The following EHBP1 variants were observed in gnomAD, a reference collection of about 807,000 sequenced individuals.
EHBP1 encodes EH domain binding protein 1.
A neutral mutation model predicts 144.0 loss-of-function variants in EHBP1; 55 were observed. The ratio of observed to expected loss-of-function variants is 0.38; its 90% confidence interval spans 0.31 to 0.48. The LOEUF is 0.48. EHBP1 is among the 20% of genes least tolerant of loss of function. The pLI is 0.98. For synonymous variants in EHBP1, 469 were observed against 472.7 expected, an observed-to-expected ratio of 0.99 and a Z score of 0.10; for missense variants, 1,200 against 1,364.2, an observed-to-expected ratio of 0.88 and a Z score of 1.90.
At chr2:62,771,290 A>G in intron 4 of EHBP1, 49 bp from the exon 5 acceptor site, 1 of 1,424,024 alleles carries the variant, frequency 7.0e-7, no homozygotes, top group Non-Finnish European at 9.7e-7. Context: ...GGTTTATTGG[A>G]CTAAAGACAT....
At position 63,045,046 on chromosome 2, in the gene EHBP1, T is replaced by C. The variant is rs2061887223; in HGVS notation, c.3278-20T>C. On this transcript the variant is annotated intron_variant, in intron 21 of 22. Coordinates refer to ENST00000431489, the MANE Select transcript of EHBP1 (RefSeq NM_001142616.3). The surrounding 1 kb of genome is among the most constrained non-coding windows in gnomAD (Gnocchi z 5.7). ...TTCGGAGGCCCTGCCGGTGGGTAAC[T>C]AGCCTCCCGTCTTCTGCAGACTGGC... 2.0e-6 allele frequency: 3 copies of C among 1,531,184 alleles called. No homozygotes were observed. Among genetic ancestry groups the C allele is most frequent in the Non-Finnish European group, 2.7e-6 (3 of 1,129,622 alleles). The allele number at this position is 1,531,184 out of a possible 1,614,324, so 94.8% of individuals were successfully genotyped here.
At chr2:62,994,159 A>ATAAAAAAAAATGAATT (rs1553505774) in intron 18 of EHBP1, 182 bp downstream of exon 18, 1 of 383,518 alleles carries the variant, frequency 2.6e-6, no homozygotes, top group East Asian at 3.9e-5. Flanking sequence ...TAATTGTCAG[A>ATAAAAAAAAATGAATT]TAAAAAAAAA....
At chr2:62,687,947 A>T (rs1403306019) in intron 1 of EHBP1, among the ~76,000 whole-genome samples, 1 of 152,174 alleles carries the variant, frequency 6.6e-6, no homozygotes, top group Non-Finnish European at 1.5e-5. Context: ...CTGGATAAGT[A>T]CATTAACTAT....
At chr2:62,728,494 C>T (rs1371817389) in intron 2 of EHBP1, among the ~76,000 whole-genome samples, 3 of 152,144 alleles carry the variant, frequency 2.0e-5, no homozygotes. Context: ...AATTGCTGAA[C>T]CATGTTGAGC....
intron 10 of EHBP1, among the ~76,000 whole-genome samples, chr2:62,905,894 C>G (rs773489841): frequency 1.8e-4 from 28 of 151,800 alleles, no homozygotes; most frequent in Admixed American, 9.8e-4. Context: ...AGAATAGAAA[C>G]AAATAGTCTG....
intron 13 of EHBP1, among the ~76,000 whole-genome samples, chr2:62,954,414 ATTAAG>A (rs1181319542): frequency 6.6e-6 from 1 of 152,220 alleles, no homozygotes; most frequent in Non-Finnish European, 1.5e-5. Context: ...ATTTGTATCT[ATTAAG>A]TTAAGAATTT....
intron 5 of EHBP1, among the ~76,000 whole-genome samples, chr2:62,786,354 A>G (rs1425788088): frequency 6.6e-6 from 1 of 152,106 alleles, no homozygotes; most frequent in African/African-American, 2.4e-5. Context: ...TGACTATTCT[A>G]GCTCTCCCAG....
intron 3 of EHBP1, among the ~76,000 whole-genome samples, chr2:62,762,474 G>A (rs1009436760): frequency 6.6e-6 from 1 of 152,094 alleles, no homozygotes; most frequent in Non-Finnish European, 1.5e-5. Context: ...ATATCTAAGA[G>A]GCAACTCATA....
At chr2:62,960,308 G>T (rs959559242) in intron 14 of EHBP1, among the ~76,000 whole-genome samples, 4 of 151,838 alleles carry the variant, frequency 2.6e-5, no homozygotes, top group African/African-American at 9.7e-5. Flanking sequence ...GTTATAAGTT[G>T]CTTACTGTAT....
chr2:63,027,960 G>A (rs971212722), intron 19 of EHBP1, among the ~76,000 whole-genome samples: 6 of 152,058 alleles, frequency 3.9e-5, no homozygotes, highest in Non-Finnish European at 5.9e-5. Flanking sequence ...ACAGGATCTC[G>A]CTATGTTGTC....
chr2:62,775,297 A>G (rs1289659617), intron 5 of EHBP1, among the ~76,000 whole-genome samples: 1 of 152,180 alleles, frequency 6.6e-6, no homozygotes, highest in African/African-American at 2.4e-5. Context: ...GCTGATCATT[A>G]TGTAGCAATA....
intron 5 of EHBP1, among the ~76,000 whole-genome samples, chr2:62,784,202 G>A (rs2042645659): frequency 6.6e-6 from 1 of 152,090 alleles, no homozygotes; most frequent in Non-Finnish European, 1.5e-5. Flanking sequence ...AATCTTTTCA[G>A]CCAAAGCAAT....
intron 10 of EHBP1, among the ~76,000 whole-genome samples, chr2:62,939,577 T>C (rs532756808): frequency 6.6e-6 from 1 of 152,116 alleles, no homozygotes; most frequent in African/African-American, 2.4e-5. Flanking sequence ...TCGGCCAAAT[T>C]GCATTATTAA....
intron 3 of EHBP1, among the ~76,000 whole-genome samples, chr2:62,749,518 G>A (rs973371157): frequency 2.0e-5 from 3 of 152,174 alleles, no homozygotes; most frequent in African/African-American, 7.2e-5. Flanking sequence ...GGATGGCTGG[G>A]TCAAATGGTA....
At chr2:63,017,958 G>A (rs142015118) in intron 19 of EHBP1, among the ~76,000 whole-genome samples, 4 of 152,270 alleles carry the variant, frequency 2.6e-5, no homozygotes, top group African/African-American at 7.2e-5. Flanking sequence ...GAAGCCAAGA[G>A]TTGAAGACAA....
In EHBP1 at chr2:63,045,614, ACTACTTTACCT is replaced by A. The variant is rs2061925118; in HGVS notation, c.*125_*135del. 1.2e-6 allele frequency: 1 copy of A among 836,416 alleles called. No individual in the cohort carries two copies. The highest frequency in any genetic ancestry group is 1.9e-6 in the Non-Finnish European group (1 of 521,888). The allele number at this position is 836,416 out of a possible 1,614,324, so 51.8% of individuals were successfully genotyped here. A position where few individuals can be genotyped will look rare whatever the true frequency, so the allele number is the denominator to read the frequency against. ...TTAACATTTTGTTTGGCTGGATTGT[ACTACTTTACCT>A]CTACTTTACCACCACCACCCTTTTC... is the stretch of plus-strand genomic sequence containing the variant. On this transcript the variant is annotated 3_prime_UTR_variant, in exon 23 of 23. Coordinates refer to ENST00000431489, the MANE Select transcript of EHBP1 (RefSeq NM_001142616.3). The surrounding 1 kb of genome is among the most constrained non-coding windows in gnomAD (Gnocchi z 5.7).
At chr2:63,036,061 AAAC>A (rs530798598) in intron 19 of EHBP1, among the ~76,000 whole-genome samples, 99 of 152,208 alleles carry the variant, frequency 6.5e-4, no homozygotes, top group African/African-American at 2.2e-3. Flanking sequence ...CCCTACTGGT[AAAC>A]AACAGCTATC....
At chr2:62,917,389 TTGAC>T (rs913238905) in intron 10 of EHBP1, among the ~76,000 whole-genome samples, 2 of 152,128 alleles carry the variant, frequency 1.3e-5, no homozygotes, top group Non-Finnish European at 2.9e-5. Flanking sequence ...TAATCTGTCA[TTGAC>T]TGAAACATTA....
chr2:62,990,841 G>A lies in EHBP1; in HGVS notation c.2733+1G>A, dbSNP rs2059384741. The A allele has an allele frequency of 6.2e-7, 1 of 1,610,468 alleles. No homozygotes were observed. Among genetic ancestry groups the A allele is most frequent in the Admixed American group, 1.7e-5 (1 of 59,486 alleles). On this transcript the variant is annotated splice_donor_variant, in intron 16 of 22. Coordinates refer to ENST00000431489, the MANE Select transcript of EHBP1 (RefSeq NM_001142616.3). LOFTEE classifies it high-confidence loss of function. ...TGAGAGCTCAGAGCAGGACATGAAA[G>A]TAAGTCTTACTTGTTTAAAACATTT... is the stretch of plus-strand genomic sequence containing the variant.
Sources: gnomAD v4.1 joint callset for allele counts (sites outside exome capture counted in the v4.1 genomes callset) on GRCh38, gnomAD v4.1.1 for gene constraint, Gnocchi (gnomAD v3.1) non-coding constraint, MANE v1.5 for transcripts, NCBI Gene and HGNC (gene_info 2026-07-23, HGNC 2026-07-21) for gene names.